The following SYT1 variants were observed in gnomAD, a reference collection of about 807,000 sequenced individuals.
SYT1 encodes synaptotagmin-1.
In SYT1, 8 loss-of-function variants were observed where a neutral mutation model predicts 44.8. The ratio of observed to expected loss-of-function variants is 0.18; its 90% CI spans 0.10 to 0.32. The LOEUF (loss-of-function observed/expected upper bound fraction) is 0.32, where lower values mean the gene tolerates loss of function less well. Ranked by LOEUF, SYT1 falls within the 10% of genes least tolerant of loss-of-function variation. The probability of loss-of-function intolerance (pLI) is 1.00; values close to 1 mark genes in which losing one functional copy is unlikely to be tolerated. For missense variants in SYT1, 286 were observed against 509.3 expected (o/e 0.56, Z 4.22); for synonymous variants, 154 against 188.8 (o/e 0.82, Z 1.51).
intron 1 of SYT1, among the ~76,000 whole-genome samples, chr12:78,924,934 G>C (rs1877219175): frequency 6.6e-6 from 1 of 151,710 alleles, no homozygotes; most frequent in South Asian, 2.1e-4. Context: ...TGTTGCTACT[G>C]GGTGTCATTG....
At chr12:79,086,171 C>G (rs988231616) in intron 3 of SYT1, among the ~76,000 whole-genome samples, 1 of 152,214 alleles carries the variant, frequency 6.6e-6, no homozygotes, top group Admixed American at 6.5e-5. Flanking sequence ...GATCAATTTA[C>G]CATCACCATC....
intron 2 of SYT1, among the ~76,000 whole-genome samples, chr12:79,019,317 T>C (rs1253385882): frequency 6.6e-6 from 1 of 152,000 alleles, no homozygotes; most frequent in Non-Finnish European, 1.5e-5. Context: ...GGATTTGTCT[T>C]TAAAACTCTC....
intron 1 of SYT1, among the ~76,000 whole-genome samples, chr12:78,915,348 T>C (rs772662637): frequency 1.3e-5 from 2 of 152,006 alleles, no homozygotes; most frequent in Non-Finnish European, 2.9e-5. Context: ...ATTAAAAACC[T>C]GCAGAGTGAT....
intron 1 of SYT1, among the ~76,000 whole-genome samples, chr12:78,898,586 T>C (rs1424780712): frequency 6.6e-6 from 1 of 152,080 alleles, no homozygotes; most frequent in African/African-American, 2.4e-5. Flanking sequence ...TGCCATTCTA[T>C]GGCCCTAGTT....
At chr12:79,213,384 A>C (rs1394388359) in intron 3 of SYT1, among the ~76,000 whole-genome samples, 1 of 152,180 alleles carries the variant, frequency 6.6e-6, no homozygotes, top group African/African-American at 2.4e-5. Flanking sequence ...CCTTGGTTCA[A>C]ATCCCAACTC....
chr12:79,410,433 C>T (rs1868366988), intron 9 of SYT1, among the ~76,000 whole-genome samples: 2 of 149,882 alleles, frequency 1.3e-5, no homozygotes, highest in African/African-American at 4.9e-5. Context: ...CAGTAAAGCC[C>T]CTTCCTCATC....
At chr12:79,150,167 T>C (rs1870179571) in intron 3 of SYT1, among the ~76,000 whole-genome samples, 1 of 152,034 alleles carries the variant, frequency 6.6e-6, no homozygotes, top group African/African-American at 2.4e-5. Flanking sequence ...GCATTTAAAA[T>C]CTACTCTTTT....
chr12:79,295,260 T>G (rs1879826276), intron 6 of SYT1, among the ~76,000 whole-genome samples: 1 of 152,142 alleles, frequency 6.6e-6, no homozygotes, highest in Non-Finnish European at 1.5e-5. Context: ...TCTTTTTTTC[T>G]TCGCAAAAAT....
At chr12:79,064,348 A>G (rs373128381) in intron 3 of SYT1, among the ~76,000 whole-genome samples, 59 of 152,140 alleles carry the variant, frequency 3.9e-4, no homozygotes, top group African/African-American at 5.6e-4. Flanking sequence ...CATAATATCT[A>G]TTGTTTACTT....
At chr12:79,142,996 T>C (rs1430103192) in intron 3 of SYT1, among the ~76,000 whole-genome samples, 1 of 152,152 alleles carries the variant, frequency 6.6e-6, no homozygotes, top group Non-Finnish European at 1.5e-5. Flanking sequence ...GCAGACATAA[T>C]AACAAAACTT....
chr12:79,036,781 T>C (rs933447152), intron 2 of SYT1, among the ~76,000 whole-genome samples: 2 of 151,826 alleles, frequency 1.3e-5, no homozygotes, highest in African/African-American at 4.8e-5. Context: ...CTCATTTCTC[T>C]TTATATAATT....
intron 2 of SYT1, among the ~76,000 whole-genome samples, chr12:79,035,906 C>T (rs1873098139): frequency 6.6e-6 from 1 of 150,706 alleles, no homozygotes; most frequent in Admixed American, 6.7e-5. Context: ...TCCAAGAACA[C>T]CTAGGAGAAT....
intron 2 of SYT1, among the ~76,000 whole-genome samples, chr12:79,011,450 A>G (rs1272886754): frequency 6.6e-6 from 1 of 152,104 alleles, no homozygotes; most frequent in Non-Finnish European, 1.5e-5. Context: ...ACATTTCATC[A>G]GAGACCCTAA....
chr12:79,024,307 C>T (rs1003748350), intron 2 of SYT1, among the ~76,000 whole-genome samples: 5 of 151,650 alleles, frequency 3.3e-5, no homozygotes, highest in African/African-American at 1.2e-4. Context: ...AGCACCTATC[C>T]CAAGCTTCTG....
Position 79,047,331 on chromosome 12 carries a change from G to A in SYT1, c.-49G>A, listed in dbSNP as rs969839229. 1.3e-5 allele frequency: 2 copies of A among 151,700 alleles called. No homozygotes were observed. The highest frequency in any genetic ancestry group is 3.9e-4 in the East Asian group (2 of 5,194). 9.4% of individuals were successfully genotyped at this position (151,700 alleles called of 1,614,324 possible). On this transcript the variant is annotated 5_prime_UTR_variant, in exon 3 of 11. Transcript: ENST00000261205. Reference sequence around the variant, plus strand: ...ATAATTCTGAAAGAAAGAAAACAAAGAAAAACATACTCCAGAATTCCTAAT... The same window carrying A: ...ATAATTCTGAAAGAAAGAAAACAAAAAAAAACATACTCCAGAATTCCTAAT...
chr12:78,950,746 G>A (rs1343186029), intron 1 of SYT1, among the ~76,000 whole-genome samples: 19 of 152,094 alleles, frequency 1.2e-4, no homozygotes, highest in Middle Eastern at 3.4e-3. Context: ...TTAATCAGAT[G>A]GTTTGAGTCT....
At chr12:79,036,876 G>A (rs958597656) in intron 2 of SYT1, among the ~76,000 whole-genome samples, 3 of 151,710 alleles carry the variant, frequency 2.0e-5, no homozygotes, top group Non-Finnish European at 2.9e-5. Flanking sequence ...TTTAAAGCTG[G>A]AAGTCACCTT....
At chr12:79,189,200 A>G (rs1227787573) in intron 3 of SYT1, among the ~76,000 whole-genome samples, 3 of 152,178 alleles carry the variant, frequency 2.0e-5, no homozygotes, top group Non-Finnish European at 4.4e-5. Flanking sequence ...TTTCTTAAAA[A>G]AGAGTTCTGC....
chr12:79,271,191 C>T (rs187035024), intron 4 of SYT1, among the ~76,000 whole-genome samples: 3 of 152,138 alleles, frequency 2.0e-5, no homozygotes, highest in Admixed American at 6.5e-5. Context: ...TCACAATGCT[C>T]AATTAAAGAG....
Sources: allele counts gnomAD v4.1 joint callset (sites outside exome capture counted in the v4.1 genomes callset), GRCh38; gene constraint gnomAD v4.1.1; transcripts MANE v1.5; gene names NCBI Gene and HGNC (gene_info 2026-07-23, HGNC 2026-07-21).